C6: variants seen among roughly 807,000 people sequenced by gnomAD.
C6 encodes complement C6, also known as complement component C6.
In C6, 101 loss-of-function variants were observed where a neutral mutation model predicts 112.9. That is an observed-to-expected ratio of 0.89 (90% CI 0.76 to 1.06). The LOEUF is 1.06. Ranked by LOEUF, C6 falls within the 50% of genes least tolerant of loss-of-function variation. The pLI is 0.00. For synonymous variants in C6, 431 were observed against 384.1 expected (o/e 1.12, Z -1.43); for missense variants, 1,202 against 1,104.6 (o/e 1.09, Z -1.25).
upstream of C6, among the ~76,000 whole-genome samples, chr5:41,213,826 A>G (rs918902605): frequency 1.3e-5 from 2 of 152,216 alleles, no homozygotes; most frequent in African/African-American, 4.8e-5. Flanking sequence ...ACTATTTAAG[A>G]AATGTTTTTG....
rs1432268709 is a variant in C6, at chr5:41,176,591, G to C, written c.1052C>G (p.Ser351Cys). Residue 351 changes from serine to cysteine, a missense_variant, in exon 8 of 18, where the codon TCT (serine) becomes TGT (cysteine). Coordinates refer to ENST00000337836, the MANE Select transcript of C6 (RefSeq NM_000065.5). ...ALNHLPLEYN[S>C]ALYSRIFDDF... ...ATCGAATATTCGGCTGTACAAAGCA[G>C]AGTTGTATTCTAGAGGCAGATGGTT... 16 of 1,613,830 alleles carry C rather than the reference G, an allele frequency of 9.9e-6. No individual in the cohort carries two copies. In the African/African-American group the frequency reaches 1.5e-4, roughly 15 times the overall value.
chr5:41,172,959 C>T (rs942828234), intron 8 of C6, among the ~76,000 whole-genome samples: 1 of 152,122 alleles, frequency 6.6e-6, no homozygotes, highest in African/African-American at 2.4e-5. Flanking sequence ...CCTCCAAATC[C>T]TTTTTATTGT....
chr5:41,214,201 A>G (rs1302521875), upstream of C6, among the ~76,000 whole-genome samples: 5 of 152,220 alleles, frequency 3.3e-5, no homozygotes, highest in East Asian at 9.6e-4. Flanking sequence ...AGCAGCTACC[A>G]GCTATGTGAG....
intron 1 of C6, among the ~76,000 whole-genome samples, chr5:41,224,513 T>G (rs1739366935): frequency 6.6e-6 from 1 of 152,176 alleles, no homozygotes; most frequent in Admixed American, 6.6e-5. Flanking sequence ...TACGTCGTCT[T>G]TTGAGACTGA....
rs1481532299 is a variant in C6 at position 41,201,731 on chromosome 5, G to T, written c.144-17C>A. On this transcript the variant is annotated splice_polypyrimidine_tract_variant and intron_variant, in intron 2 of 17. Transcript: ENST00000337836. The stretch of plus-strand genomic sequence containing the variant: ...ACTATTTGTCTGTAACCATGAAGAA[G>T]AAGTTGCTTAGAATGAGTGTATTCA... The T allele has an allele frequency of 6.2e-7, 1 of 1,611,058 alleles. No individual in the cohort carries two copies. Among genetic ancestry groups the T allele is most frequent in the Non-Finnish European group, 8.5e-7 (1 of 1,177,768 alleles).
chr5:41,158,658 G>T lies in C6; in HGVS notation c.1968+16C>A. ...TTTTAAAACTACAAACCAAAAGTGAGGTTTAGGATGCTGACCCGGATAAAT... is the reference window on the plus strand; with the variant it reads ...TTTTAAAACTACAAACCAAAAGTGATGTTTAGGATGCTGACCCGGATAAAT... On this transcript the variant is annotated intron_variant, in intron 13 of 17. Coordinates refer to ENST00000337836, the MANE Select transcript of C6 (RefSeq NM_000065.5). 2 of 1,426,262 alleles carry T rather than the reference G, an allele frequency of 1.4e-6. No individual in the cohort carries two copies. Among genetic ancestry groups the T allele is most frequent in the Non-Finnish European group, 2.0e-6 (2 of 1,008,606 alleles). 88.4% of individuals were successfully genotyped at this position (1,426,262 alleles called of 1,614,324 possible).
At chr5:41,197,957 A>G (rs1193407124) in intron 4 of C6, among the ~76,000 whole-genome samples, 1 of 152,174 alleles carries the variant, frequency 6.6e-6, no homozygotes, top group African/African-American at 2.4e-5. Flanking sequence ...GAACCATGCA[A>G]TCATTTAGAA....
chr5:41,230,299 C>T (rs973215121), intron 1 of C6, among the ~76,000 whole-genome samples: 2 of 151,990 alleles, frequency 1.3e-5, no homozygotes, highest in Non-Finnish European at 2.9e-5. Context: ...TTGCAGAGAG[C>T]CTATAAACAG....
chr5:41,174,406 A>T (rs752935331), intron 8 of C6, among the ~76,000 whole-genome samples: 51 of 152,338 alleles, frequency 3.3e-4, no homozygotes, highest in Non-Finnish European at 7.1e-4. Flanking sequence ...CAGGAGTGTT[A>T]GTTGAAAATT....
chr5:41,214,512 T>A (rs1277440863), upstream of C6, among the ~76,000 whole-genome samples: 3 of 152,100 alleles, frequency 2.0e-5, no homozygotes, highest in East Asian at 5.8e-4. Context: ...TTTCTCTCTC[T>A]TATACTACAT....
chr5:41,248,380 C>T (rs983426761), intron 1 of C6, among the ~76,000 whole-genome samples: 11 of 152,170 alleles, frequency 7.2e-5, no homozygotes, highest in African/African-American at 1.9e-4. Context: ...AACAGAGTAA[C>T]CAGATAATCT....
At chr5:41,173,528 G>A (rs1256392503) in intron 8 of C6, among the ~76,000 whole-genome samples, 1 of 152,174 alleles carries the variant, frequency 6.6e-6, no homozygotes, top group Non-Finnish European at 1.5e-5. Context: ...CTCTTTTGAT[G>A]TTTAGTTAAA....
chr5:41,255,800 C>G (rs11748237), intron 1 of C6, among the ~76,000 whole-genome samples: 27,755 of 152,146 alleles, frequency 0.18, 2,618 homozygotes, highest in Admixed American at 0.26. Context: ...AGGAGTTGAC[C>G]TGTGGTCCAA....
At chr5:41,228,650 C>CT (rs1161220496) in intron 1 of C6, among the ~76,000 whole-genome samples, 2 of 152,110 alleles carry the variant, frequency 1.3e-5, no homozygotes, top group East Asian at 1.9e-4. Flanking sequence ...TTCATTGACA[C>CT]TTTTTTATCA....
chr5:41,186,366 G>T, intron 5 of C6, 158 bp from the exon 6 acceptor site: 1 of 729,160 alleles, frequency 1.4e-6, no homozygotes. Context: ...CCTAGTCCAT[G>T]GTGAGGCATG....
Position 41,153,914 on chromosome 5 carries a change from T to G in C6, c.2186A>C (p.Glu729Ala), listed in dbSNP as rs1462359089. The G allele has an allele frequency of 3.7e-6, 6 of 1,613,564 alleles. No homozygotes were observed. Among genetic ancestry groups the G allele is most frequent in the Non-Finnish European group, 4.2e-6 (5 of 1,179,690 alleles). ...AACAAAGCCTTTGGGGCAAGTTAGC[T>G]CAATGGATTCACCAATTCTATACAA... ...QRLYRIGESI[E>A]LTCPKGFVVA... The change falls in exon 15 of 18, where the codon GAG becomes GCG. Residue 729 changes from glutamate to alanine, a missense_variant. Physicochemically the swap from Glu to Ala is moderately radical, Grantham distance 107. Transcript: ENST00000337836.
At chr5:41,238,565 G>A (rs1188821422) in intron 1 of C6, among the ~76,000 whole-genome samples, 2 of 152,206 alleles carry the variant, frequency 1.3e-5, no homozygotes, top group East Asian at 1.9e-4. Flanking sequence ...AAAAGAGGAA[G>A]AGAAGAGACA....
At chr5:41,191,437 A>G (rs1345688654) in intron 5 of C6, among the ~76,000 whole-genome samples, 2 of 152,118 alleles carry the variant, frequency 1.3e-5, no homozygotes. Flanking sequence ...CTTTGTTTCT[A>G]TTGCTGTAAA....
At chr5:41,202,664 T>C (rs894989619) in intron 2 of C6, among the ~76,000 whole-genome samples, 6 of 152,212 alleles carry the variant, frequency 3.9e-5, no homozygotes, top group Non-Finnish European at 7.3e-5. Flanking sequence ...AACAGTTTTG[T>C]TGCCATTTTG....
Sources: allele counts gnomAD v4.1 joint callset (sites outside exome capture counted in the v4.1 genomes callset), GRCh38; gene constraint gnomAD v4.1.1; transcripts MANE v1.5; gene names NCBI Gene and HGNC (gene_info 2026-07-23, HGNC 2026-07-21).